The following PDCL2 variants were observed in gnomAD, a reference collection of about 807,000 sequenced individuals.
PDCL2 encodes the protein phosducin like 2, also known as phosducin-like protein 2.
Under a neutral mutation model 30.3 loss-of-function variants are expected in PDCL2, and 23 were observed. The observed-to-expected ratio is 0.76, with a 90% confidence interval of 0.55 to 1.08. The LOEUF (loss-of-function observed/expected upper bound fraction) is 1.08. Among genes scored for constraint, PDCL2 ranks in the 50% least tolerant of loss-of-function variants. The probability of loss-of-function intolerance (pLI) is 0.00; values close to 1 mark genes in which losing one functional copy is unlikely to be tolerated. For missense variants in PDCL2, 243 were observed against 282.3 expected (o/e 0.86, Z 1.00); for synonymous variants, 68 against 86.2 (o/e 0.79, Z 1.17).
At chr4:55,556,809 G>T in intron 5 of PDCL2, 98 bp from the exon 6 acceptor site, 1 of 949,272 alleles carries the variant, frequency 1.1e-6, no homozygotes, top group Non-Finnish European at 1.5e-6. Flanking sequence ...ATATTACCAT[G>T]GAAATGATGA....
intron 3 of PDCL2, among the ~76,000 whole-genome samples, chr4:55,575,951 A>G (rs146082604): frequency 0.013 from 1,932 of 152,302 alleles, 46 homozygotes; most frequent in African/African-American, 0.043. Context: ...TTCAGGCTGA[A>G]ATGAAAGAGC....
chr4:55,560,709 A>G (rs1196674995), intron 5 of PDCL2, among the ~76,000 whole-genome samples: 2 of 152,148 alleles, frequency 1.3e-5, no homozygotes, highest in East Asian at 1.9e-4. Flanking sequence ...CCCAAAATTC[A>G]TATGTTGAAA....
In PDCL2 at chr4:55,569,764, T is replaced by C; in HGVS notation, c.316A>G (p.Asn106Asp). 1 of 1,566,900 alleles carries C rather than the reference T, an allele frequency of 6.4e-7. No homozygotes were observed. The highest frequency in any genetic ancestry group is 8.7e-7 in the Non-Finnish European group (1 of 1,155,310). ...ATAACCCACACATCTTCTTCTGCAT[T>C]TGTGACTTCATTCACATACTGATTT... is the stretch of plus-strand genomic sequence containing the variant. Reference protein sequence around the residue: ...SGNQYVNEVTNAEEDVWVIIH... With the variant: ...SGNQYVNEVTDAEEDVWVIIH... The change falls in exon 4 of 6, where the codon AAT becomes GAT. Residue 106 changes from asparagine (N) to aspartate (D), a missense_variant. Asn to Asp is a conservative substitution (Grantham distance 23). Transcript: ENST00000295645.
intron 3 of PDCL2, among the ~76,000 whole-genome samples, chr4:55,579,592 C>A (rs539301614): frequency 6.6e-6 from 1 of 152,324 alleles, no homozygotes; most frequent in South Asian, 2.1e-4. Flanking sequence ...GCTGGAATTA[C>A]AGGTGTGGGT....
chr4:55,587,149 T>C (rs1732882145), intron 1 of PDCL2, among the ~76,000 whole-genome samples: 1 of 143,718 alleles, frequency 7.0e-6, no homozygotes, highest in African/African-American at 2.7e-5. Flanking sequence ...TTCAAGATGG[T>C]ACCTTGAACA....
intron 3 of PDCL2, among the ~76,000 whole-genome samples, chr4:55,572,663 A>G (rs1000411814): frequency 6.6e-6 from 1 of 152,192 alleles, no homozygotes; most frequent in Non-Finnish European, 1.5e-5. Flanking sequence ...TCTACAATAA[A>G]AGTTGAAATT....
intron 3 of PDCL2, among the ~76,000 whole-genome samples, chr4:55,572,545 C>T (rs1314925136): frequency 1.3e-5 from 2 of 152,172 alleles, no homozygotes; most frequent in African/African-American, 4.8e-5. Flanking sequence ...AAAATAATGG[C>T]TCCATTGGAT....
At chr4:55,589,228 T>C (rs1162907262) in intron 1 of PDCL2, among the ~76,000 whole-genome samples, 1 of 152,212 alleles carries the variant, frequency 6.6e-6, no homozygotes, top group African/African-American at 2.4e-5. Context: ...CTGTTTCTGT[T>C]GGTTCATGGT....
At chr4:55,577,598 T>C (rs902539723) in intron 3 of PDCL2, among the ~76,000 whole-genome samples, 1 of 152,222 alleles carries the variant, frequency 6.6e-6, no homozygotes, top group South Asian at 2.1e-4. Flanking sequence ...GGTACTTTTA[T>C]CACCTAGCAA....
At chr4:55,562,134 A>G (rs750528211) in intron 5 of PDCL2, among the ~76,000 whole-genome samples, 5 of 152,208 alleles carry the variant, frequency 3.3e-5, no homozygotes, top group Non-Finnish European at 7.3e-5. Flanking sequence ...GAAACTAGCA[A>G]GCACTGAGAA....
At chr4:55,561,359 C>T (rs1040644531) in intron 5 of PDCL2, among the ~76,000 whole-genome samples, 2 of 152,018 alleles carry the variant, frequency 1.3e-5, no homozygotes, top group African/African-American at 4.8e-5. Flanking sequence ...ATCAGGAGTT[C>T]AAGACCAGCC....
rs773941448 is a variant in PDCL2 at position 55,592,137 on chromosome 4, C to A, written c.-28G>T. The A allele has an allele frequency of 6.2e-7, 1 of 1,607,478 alleles. No individual in the cohort carries two copies. Among genetic ancestry groups the A allele is most frequent in the East Asian group, 2.3e-5 (1 of 44,444 alleles). On this transcript the variant is annotated 5_prime_UTR_variant, in exon 1 of 6. Transcript: ENST00000295645. ...TGCGCTGCTCTGCCCCTCAAGAGCC[C>A]GCGTCGTCCTGCAGCTGGCGAGGCG...
At chr4:55,582,703 C>A (rs1422660016) in intron 1 of PDCL2, among the ~76,000 whole-genome samples, 1 of 151,664 alleles carries the variant, frequency 6.6e-6, no homozygotes, top group Non-Finnish European at 1.5e-5. Context: ...GTGTGCTGCA[C>A]CCATTAACTC....
chr4:55,577,885 G>A (rs1732611519), intron 3 of PDCL2, among the ~76,000 whole-genome samples: 1 of 152,088 alleles, frequency 6.6e-6, no homozygotes, highest in African/African-American at 2.4e-5. Flanking sequence ...ATACTTTCTT[G>A]TTTGTGTATG....
intron 3 of PDCL2, among the ~76,000 whole-genome samples, chr4:55,577,850 T>C (rs948698461): frequency 1.3e-5 from 2 of 152,226 alleles, no homozygotes; most frequent in Non-Finnish European, 2.9e-5. Context: ...TTTCTGTCAG[T>C]ATATTTTGTT....
chr4:55,559,016 A>G (rs934733720), intron 5 of PDCL2, among the ~76,000 whole-genome samples: 11 of 152,236 alleles, frequency 7.2e-5, no homozygotes, highest in African/African-American at 2.7e-4. Context: ...ACCAATGCAT[A>G]TGAAAAAATC....
chr4:55,569,076 T>C (rs1395035196), intron 4 of PDCL2, among the ~76,000 whole-genome samples: 1 of 151,632 alleles, frequency 6.6e-6, no homozygotes, highest in East Asian at 1.9e-4. Context: ...TTGAGTTACT[T>C]ATCACTGAGC....
At chr4:55,580,738 A>G in intron 3 of PDCL2, 83 bp downstream of exon 3, 3 of 976,104 alleles carry the variant, frequency 3.1e-6, no homozygotes, top group Non-Finnish European at 1.4e-6. Context: ...TGTAAAATCT[A>G]TGTGACAAGA....
intron 3 of PDCL2, among the ~76,000 whole-genome samples, chr4:55,573,006 C>T (rs1447902884): frequency 6.6e-6 from 1 of 152,162 alleles, no homozygotes; most frequent in African/African-American, 2.4e-5. Context: ...GATCTGCCCA[C>T]CTCGGCCTCC....
Sources: gnomAD v4.1 joint callset for allele counts (sites outside exome capture counted in the v4.1 genomes callset) on GRCh38, gnomAD v4.1.1 for gene constraint, MANE v1.5 for transcripts, NCBI Gene and HGNC (gene_info 2026-07-23, HGNC 2026-07-21) for gene names.